DIP2B: variants seen among roughly 807,000 people sequenced by gnomAD.
DIP2B encodes disco-interacting protein 2 homolog B.
DIP2B carries 76 observed loss-of-function variants against 198.0 expected under a neutral mutation model. The observed-to-expected ratio is 0.38, with a 90% CI of 0.32 to 0.46. DIP2B has a LOEUF of 0.46. DIP2B is among the 20% of genes least tolerant of loss of function. The probability of loss-of-function intolerance (pLI) is 0.99; values close to 1 mark genes in which losing one functional copy is unlikely to be tolerated. For missense variants in DIP2B, 1,559 were observed against 1,978.4 expected (o/e 0.79, Z 4.02); for synonymous variants, 701 against 739.1 (o/e 0.95, Z 0.84).
intron 12 of DIP2B, among the ~76,000 whole-genome samples, chr12:50,687,515 G>A (rs1287019333): frequency 6.6e-6 from 1 of 152,300 alleles, no homozygotes; most frequent in East Asian, 1.9e-4. Context: ...GTGGTGATAA[G>A]TAGAGAGAAC....
chr12:50,607,055 C>T (rs995579568), intron 1 of DIP2B, among the ~76,000 whole-genome samples: 1 of 151,944 alleles, frequency 6.6e-6, no homozygotes, highest in Non-Finnish European at 1.5e-5. Flanking sequence ...AATCTGCCTG[C>T]CTCTGCCTCC....
chr12:50,637,977 T>A (rs917653236), intron 2 of DIP2B, among the ~76,000 whole-genome samples: 1 of 152,206 alleles, frequency 6.6e-6, no homozygotes, highest in Non-Finnish European at 1.5e-5. Flanking sequence ...TACATATTGA[T>A]CATTGAGAAG....
intron 3 of DIP2B, chr12:50,654,954 G>A: frequency 2.3e-6 from 1 of 442,902 alleles, no homozygotes; most frequent in Non-Finnish European, 4.5e-6. Flanking sequence ...AACTGTTTTG[G>A]GGGAGGAATT....
intron 1 of DIP2B, among the ~76,000 whole-genome samples, chr12:50,618,497 C>G (rs149717768): frequency 1.1e-4 from 16 of 152,358 alleles, no homozygotes; most frequent in African/African-American, 3.8e-4. Context: ...TGACGATCAT[C>G]CTTCAAGACC....
At chr12:50,657,571 T>C (rs1938575823) in intron 3 of DIP2B, among the ~76,000 whole-genome samples, 2 of 151,790 alleles carry the variant, frequency 1.3e-5, no homozygotes, top group South Asian at 4.2e-4. Flanking sequence ...GCAGGAGGAT[T>C]CCTTGAGACC....
chr12:50,531,151 T>C (rs964875606), intron 1 of DIP2B, among the ~76,000 whole-genome samples: 1 of 152,208 alleles, frequency 6.6e-6, no homozygotes, highest in Non-Finnish European at 1.5e-5. Context: ...GTTCACGCCA[T>C]TCTCCTGCCT....
chr12:50,704,606 AG>A (rs1939480940), intron 20 of DIP2B, among the ~76,000 whole-genome samples: 2 of 152,240 alleles, frequency 1.3e-5, no homozygotes, highest in African/African-American at 4.8e-5. Context: ...TATAATACAT[AG>A]TATACAGAGC....
intron 2 of DIP2B, among the ~76,000 whole-genome samples, chr12:50,630,108 C>G (rs962464082): frequency 3.9e-5 from 6 of 151,924 alleles, no homozygotes; most frequent in Non-Finnish European, 7.4e-5. Context: ...TGCCACCACG[C>G]CCAGCTAATT....
chr12:50,657,223 C>CAAAAAAAAAAA (rs57903571), intron 3 of DIP2B: 1 of 107,048 alleles, frequency 9.3e-6, no homozygotes. Flanking sequence ...TCTCTATTTA[C>CAAAAAAAAAAA]AAAAAAAAAA....
At chr12:50,693,514 C>T (rs2139550981) in intron 14 of DIP2B, among the ~76,000 whole-genome samples, 1 of 152,272 alleles carries the variant, frequency 6.6e-6, no homozygotes, top group South Asian at 2.1e-4. Flanking sequence ...TAAAGGACTT[C>T]AGAGAGCCTC....
chr12:50,732,412 CGGA>C lies in DIP2B; in HGVS notation c.3862_3864del (p.Glu1288del). On this transcript the variant is annotated inframe_deletion, in exon 32 of 38. Transcript: ENST00000301180. ...TGCGTCCGGACCTGTGTGGTGGTGG[CGGA>C]GGAGAGGCCCCGCGTTGCACTCCAG... 1 of 1,614,166 alleles carries C rather than the reference CGGA, an allele frequency of 6.2e-7. No homozygotes were observed. Among genetic ancestry groups the C allele is most frequent in the Non-Finnish European group, 8.5e-7 (1 of 1,180,024 alleles).
chr12:50,622,912 ATTT>A (rs761345526), intron 1 of DIP2B, among the ~76,000 whole-genome samples: 3 of 140,906 alleles, frequency 2.1e-5, no homozygotes, highest in African/African-American at 2.6e-5. Flanking sequence ...TTGCCCAGCT[ATTT>A]TTTTTTTTTT....
intron 3 of DIP2B, among the ~76,000 whole-genome samples, chr12:50,646,303 A>G (rs1337691482): frequency 3.3e-5 from 5 of 150,830 alleles, no homozygotes; most frequent in African/African-American, 1.2e-4. Flanking sequence ...TTTGTATTTT[A>G]ATAGAGACGG....
At position 50,678,837 on chromosome 12, in the gene DIP2B, C is replaced by T. The variant is rs751500424; in HGVS notation, c.1075C>T (p.Leu359=). ...TQAKCSCLTA[L]DMTGKPVYTL... ...AGCAAAATGCTCCTGTCTGACTGCACTGGACATGACAGGGAAACCAGTTTA... is the reference window on the plus strand; with the variant it reads ...AGCAAAATGCTCCTGTCTGACTGCATTGGACATGACAGGGAAACCAGTTTA... The change falls in exon 8 of 38, where the codon CTG becomes TTG. Residue 359 remains leucine (L), a synonymous_variant. Coordinates refer to ENST00000301180, the MANE Select transcript of DIP2B (RefSeq NM_173602.3). 3.1e-6 allele frequency: 5 copies of T among 1,614,210 alleles called. No homozygotes were observed. The highest frequency in any genetic ancestry group is 1.7e-6 in the Non-Finnish European group (2 of 1,180,032).
chr12:50,703,925 T>A (rs1274253232), intron 19 of DIP2B, among the ~76,000 whole-genome samples: 1 of 150,230 alleles, frequency 6.7e-6, no homozygotes, highest in African/African-American at 2.4e-5. Flanking sequence ...ATTTTTTATA[T>A]GTTTTATATA....
In DIP2B at chr12:50,671,626, A is replaced by G. The variant is rs376091141; in HGVS notation, c.640+228A>G. ...TGCGTAGTTTTGCCCACCTGAAGCC[A>G]TAGCTATTTCCATAAGCAATGCTCA... On this transcript the variant is annotated intron_variant, in intron 5 of 37. Coordinates refer to ENST00000301180, the MANE Select transcript of DIP2B (RefSeq NM_173602.3). Among the ~76,000 whole-genome samples the G allele has an allele frequency of 8.5e-5, 13 of 152,374 alleles. No homozygotes were observed. The South Asian group carries it at 2.1e-3, about 24-fold the overall frequency.
At chr12:50,676,471 G>A (rs543702443) in intron 7 of DIP2B, among the ~76,000 whole-genome samples, 15 of 152,272 alleles carry the variant, frequency 9.9e-5, no homozygotes, top group South Asian at 4.1e-4. Context: ...AATGGTGGAC[G>A]TCTTTCATGA....
rs1368160744 is a variant in DIP2B, at chr12:50,683,140, A to G, written c.1209A>G (p.Val403=). The G allele has an allele frequency of 6.2e-7, 1 of 1,602,786 alleles. No homozygotes were observed. ...NEPVLKPGDR[V]ALVYPNNDPV... ...CTGAATATCATTATGAATTTTAGGT[A>G]GCCCTGGTTTACCCCAACAATGATC... is the stretch of plus-strand genomic sequence containing the variant. The change falls in exon 10 of 38, where the codon GTA becomes GTG. Residue 403 remains valine, a splice_region_variant and synonymous_variant. Transcript: ENST00000301180.
At chr12:50,526,628 T>C (rs919812286) in intron 1 of DIP2B, among the ~76,000 whole-genome samples, 3 of 121,076 alleles carry the variant, frequency 2.5e-5, no homozygotes, top group African/African-American at 9.6e-5. Flanking sequence ...TCCTCTGCCT[T>C]TTTTTTTTTT....
Sources: allele counts gnomAD v4.1 joint callset (sites outside exome capture counted in the v4.1 genomes callset), GRCh38; gene constraint gnomAD v4.1.1; transcripts MANE v1.5; gene names NCBI Gene and HGNC (gene_info 2026-07-23, HGNC 2026-07-21).